GSTCD: variants seen among roughly 807,000 people sequenced by gnomAD.
The protein encoded by GSTCD is glutathione S-transferase C-terminal domain containing.
In GSTCD, 44 loss-of-function variants were observed where a neutral mutation model predicts 68.3. The ratio of observed to expected loss-of-function variants is 0.64; its 90% confidence interval spans 0.51 to 0.83. GSTCD has a LOEUF of 0.83. GSTCD is among the 40% of genes least tolerant of loss of function. The pLI, the probability that GSTCD is intolerant of heterozygous loss-of-function variation, is 0.00. For synonymous variants in GSTCD, 273 were observed against 255.2 expected, an observed-to-expected ratio of 1.07 and a Z score of -0.67; for missense variants, 739 against 735.9, an observed-to-expected ratio of 1.00 and a Z score of -0.05.
intron 5 of GSTCD, among the ~76,000 whole-genome samples, chr4:105,819,505 T>C (rs936802776): frequency 6.6e-6 from 1 of 151,794 alleles, no homozygotes; most frequent in African/African-American, 2.4e-5. Context: ...TAGATGAGTA[T>C]TGGGCATATA....
intron 5 of GSTCD, among the ~76,000 whole-genome samples, chr4:105,773,501 T>C (rs1159533574): frequency 6.6e-6 from 1 of 152,240 alleles, no homozygotes; most frequent in East Asian, 1.9e-4. Context: ...CATTTAGTGC[T>C]ATAAATTTCC....
At chr4:105,724,960 G>A (rs1247375487) in intron 3 of GSTCD, among the ~76,000 whole-genome samples, 5 of 151,998 alleles carry the variant, frequency 3.3e-5, no homozygotes, top group Admixed American at 2.0e-4. Context: ...ACAGAGGAAT[G>A]TGTTCATGGC....
intron 5 of GSTCD, among the ~76,000 whole-genome samples, chr4:105,792,016 A>AC: frequency 6.6e-6 from 1 of 152,140 alleles, no homozygotes; most frequent in Non-Finnish European, 1.5e-5. Context: ...GTCATTCTTA[A>AC]CCAGTTACTT....
At chr4:105,795,028 C>T (rs1464522523) in intron 5 of GSTCD, among the ~76,000 whole-genome samples, 1 of 151,876 alleles carries the variant, frequency 6.6e-6, no homozygotes, top group Admixed American at 6.6e-5. Context: ...GCACCCGCCA[C>T]CACACCCAGC....
chr4:105,834,267 C>T (rs61526371), intron 8 of GSTCD, among the ~76,000 whole-genome samples, 194 bp from the exon 9 acceptor site: 6,244 of 152,214 alleles, frequency 0.041, 385 homozygotes, highest in African/African-American at 0.13. Flanking sequence ...TCAAATTTTC[C>T]GTTGAATGAA....
At chr4:105,811,802 G>A (rs1013639667) in intron 5 of GSTCD, among the ~76,000 whole-genome samples, 3 of 152,160 alleles carry the variant, frequency 2.0e-5, no homozygotes, top group Non-Finnish European at 4.4e-5. Flanking sequence ...GAAAAGGTGA[G>A]ACTTTAGATC....
chr4:105,773,558 GC>G (rs1450521104), intron 5 of GSTCD, among the ~76,000 whole-genome samples: 1 of 152,044 alleles, frequency 6.6e-6, no homozygotes, highest in African/African-American at 2.4e-5. Context: ...GGTACATTGT[GC>G]CTTTTTTCTC....
At chr4:105,793,857 C>T (rs1027046317) in intron 5 of GSTCD, among the ~76,000 whole-genome samples, 1 of 152,070 alleles carries the variant, frequency 6.6e-6, no homozygotes, top group South Asian at 2.1e-4. Context: ...GCTCACTAAG[C>T]AGGGCATGCC....
chr4:105,836,306 G>A (rs1446153629), intron 9 of GSTCD, among the ~76,000 whole-genome samples: 2 of 152,194 alleles, frequency 1.3e-5, no homozygotes, highest in African/African-American at 4.8e-5. Context: ...CAGAGGGAAG[G>A]AAGTGCATGC....
intron 5 of GSTCD, among the ~76,000 whole-genome samples, chr4:105,768,996 A>G (rs1578455932): frequency 6.6e-6 from 1 of 152,006 alleles, no homozygotes. Context: ...TTATTCTCAT[A>G]TAAACCATTC....
chr4:105,820,643 C>T (rs1723239710), intron 5 of GSTCD: 2 of 151,792 alleles, frequency 1.3e-5, no homozygotes, highest in African/African-American at 4.8e-5. Context: ...GGCAGCTTTT[C>T]CATAAAGCAT....
chr4:105,827,186 A>C (rs759930223), intron 8 of GSTCD: 2 of 152,208 alleles, frequency 1.3e-5, no homozygotes, highest in Non-Finnish European at 2.9e-5. Flanking sequence ...CCATTAAACC[A>C]GTCCAGATAT....
chr4:105,718,332 G>A (rs1284948251), intron 2 of GSTCD, among the ~76,000 whole-genome samples: 1 of 152,132 alleles, frequency 6.6e-6, no homozygotes, highest in Non-Finnish European at 1.5e-5. Flanking sequence ...GGTAATGAGT[G>A]AGTTCTTGCT....
intron 5 of GSTCD, among the ~76,000 whole-genome samples, chr4:105,788,669 G>A (rs1160346719): frequency 6.6e-6 from 1 of 151,986 alleles, no homozygotes. Flanking sequence ...AGTCTAAAGA[G>A]CTTTAGAATA....
At chr4:105,723,592 A>G (rs1012027016) in intron 3 of GSTCD, among the ~76,000 whole-genome samples, 9 of 151,980 alleles carry the variant, frequency 5.9e-5, no homozygotes, top group African/African-American at 2.2e-4. Context: ...GAGTATGAGT[A>G]TCTGTGGATT....
At chr4:105,735,877 G>C (rs1168973856) in intron 5 of GSTCD, among the ~76,000 whole-genome samples, 2 of 151,704 alleles carry the variant, frequency 1.3e-5, no homozygotes, top group Non-Finnish European at 2.9e-5. Context: ...TCATACTTTA[G>C]GACTCATATT....
intron 5 of GSTCD, among the ~76,000 whole-genome samples, chr4:105,755,690 A>G (rs936966645): frequency 5.9e-5 from 9 of 152,200 alleles, no homozygotes; most frequent in African/African-American, 1.9e-4. Flanking sequence ...CACATGGTGT[A>G]TCACATGGAG....
At chr4:105,738,339 T>A (rs1733527121) in intron 5 of GSTCD, among the ~76,000 whole-genome samples, 1 of 152,204 alleles carries the variant, frequency 6.6e-6, no homozygotes, top group Non-Finnish European at 1.5e-5. Flanking sequence ...TCAGCTTTGT[T>A]CCTTTTGCTC....
At chr4:105,841,037 C>T (rs919861974) in intron 10 of GSTCD, among the ~76,000 whole-genome samples, 2 of 152,096 alleles carry the variant, frequency 1.3e-5, no homozygotes, top group African/African-American at 4.8e-5. Flanking sequence ...CTTAGCAGGC[C>T]AGGCACGGTA....
Sources: allele counts gnomAD v4.1 joint callset (sites outside exome capture counted in the v4.1 genomes callset), GRCh38; gene constraint gnomAD v4.1.1; transcripts MANE v1.5; gene names NCBI Gene and HGNC (gene_info 2026-07-23, HGNC 2026-07-21).